KIF1B: variants seen among roughly 807,000 people sequenced by gnomAD.
The protein encoded by KIF1B is kinesin-like protein KIF1B.
In KIF1B, 76 loss-of-function variants were observed where a neutral mutation model predicts 241.9. The observed-to-expected ratio is 0.31, with a 90% CI of 0.26 to 0.38. KIF1B has a LOEUF of 0.38. KIF1B is among the 10% of genes least tolerant of loss of function. KIF1B has a pLI of 1.00. For missense variants in KIF1B, 1,622 were observed against 2,271.4 expected (o/e 0.71, Z 5.81); for synonymous variants, 750 against 796.7 (o/e 0.94, Z 0.99).
At chr1:10,307,349 G>A (rs966585881) in intron 22 of KIF1B, 38 of 953,230 alleles carry the variant, frequency 4.0e-5, no homozygotes, top group African/African-American at 5.3e-5. Context: ...TTGCTCTGTC[G>A]CCCAGGCTGC....
rs765720258 is a variant in KIF1B at position 10,295,669 on chromosome 1, A to G, written c.1680A>G (p.Gln560=). Reference sequence around the variant, plus strand: ...TTTCTCTTGTGTTCAGGGTTGGCCAAGCAGATGCTGAGCGGCGCCAGGACA... The same window carrying G: ...TTTCTCTTGTGTTCAGGGTTGGCCAGGCAGATGCTGAGCGGCGCCAGGACA... ...YIKDGITRVG[Q]ADAERRQDIV... The change falls in exon 19 of 49, where the codon CAA becomes CAG. Residue 560 remains glutamine (Q), a synonymous_variant. Coordinates refer to ENST00000676179, the MANE Select transcript of KIF1B (RefSeq NM_001365951.3). The G allele has an allele frequency of 3.8e-5, 62 of 1,613,626 alleles. No homozygotes were observed. The highest frequency in any genetic ancestry group is 4.8e-5 in the Non-Finnish European group (57 of 1,179,876).
chr1:10,370,109 C>T (rs182007213), intron 44 of KIF1B, among the ~76,000 whole-genome samples: 1 of 151,894 alleles, frequency 6.6e-6, no homozygotes. Flanking sequence ...CAAAATTAGC[C>T]GGGCGTGGTG....
intron 2 of KIF1B, among the ~76,000 whole-genome samples, chr1:10,253,782 G>A (rs1039218024): frequency 1.3e-5 from 2 of 152,178 alleles, no homozygotes; most frequent in Non-Finnish European, 2.9e-5. Context: ...CCATTTGCAT[G>A]TGGAGAGATG....
At chr1:10,360,133 A>C (rs551958926) in intron 38 of KIF1B, among the ~76,000 whole-genome samples, 17 of 152,302 alleles carry the variant, frequency 1.1e-4, no homozygotes, top group Non-Finnish European at 1.9e-4. Flanking sequence ...CTTCAGATAT[A>C]TCTGTGGTGT....
At chr1:10,307,809 G>A (rs902149221) in intron 22 of KIF1B, 3 of 1,039,652 alleles carry the variant, frequency 2.9e-6, no homozygotes, top group Non-Finnish European at 3.5e-6. Context: ...TAATTAATTG[G>A]TATAATTTCA....
At position 10,365,023 on chromosome 1, in the gene KIF1B, A is replaced by G; in HGVS notation, c.4367-77A>G. 4 of 1,252,082 alleles carry G rather than the reference A, an allele frequency of 3.2e-6. No individual in the cohort carries two copies. In the East Asian group the frequency reaches 7.4e-5, roughly 23 times the overall value. The allele number at this position is 1,252,082 out of a possible 1,614,324, so 77.6% of individuals were successfully genotyped here. ...TCCATCTCAAAAAAAAAAAAAAAAGAATTATTAATTCGTTTTGACCTAAAC... is the reference window on the plus strand; with the variant it reads ...TCCATCTCAAAAAAAAAAAAAAAAGGATTATTAATTCGTTTTGACCTAAAC... On this transcript the variant is annotated intron_variant, in intron 41 of 48. Transcript: ENST00000676179. The surrounding 1 kb of genome is among the most constrained non-coding windows in gnomAD (Gnocchi z 4.0).
Position 10,271,557 on chromosome 1 carries a change from G to A in KIF1B, c.776G>A (p.Gly259Asp), listed in dbSNP as rs767229413. The A allele has an allele frequency of 9.9e-6, 16 of 1,613,444 alleles. No individual in the cohort carries two copies. The South Asian group carries it at 1.5e-4, about 15-fold the overall frequency. ...LAGSERADST[G>D]AKGTRLKEGA... ...GGAAGTGAACGAGCTGATTCAACTG[G>A]TGCCAAAGGGACTCGATTAAAGGTA... is the stretch of plus-strand genomic sequence containing the variant. The change falls in exon 8 of 49, where the codon GGT becomes GAT. Residue 259 changes from glycine to aspartate, a missense_variant. Physicochemically the swap from Gly to Asp is moderately conservative, Grantham distance 94 (BLOSUM62 -1). Coordinates refer to ENST00000676179, the MANE Select transcript of KIF1B (RefSeq NM_001365951.3).
chr1:10,363,531 A>G (rs1638482322), intron 41 of KIF1B, among the ~76,000 whole-genome samples, 187 bp downstream of exon 41: 1 of 152,130 alleles, frequency 6.6e-6, no homozygotes, highest in South Asian at 2.1e-4. Context: ...CCTTTCTACC[A>G]AAAATACAAA....
chr1:10,331,135 A>G (rs1314996238), intron 27 of KIF1B, among the ~76,000 whole-genome samples: 2 of 151,632 alleles, frequency 1.3e-5, no homozygotes, highest in African/African-American at 4.8e-5. Context: ...AGGTGTAGGC[A>G]TCGAGTGCAG....
chr1:10,342,870 C>T (rs548350087), intron 33 of KIF1B, among the ~76,000 whole-genome samples: 1 of 152,146 alleles, frequency 6.6e-6, no homozygotes, highest in East Asian at 1.9e-4. Context: ...AATTAGAAAG[C>T]GATGGTAATG....
chr1:10,341,990 C>T, intron 32 of KIF1B, 60 bp from the exon 33 acceptor site: 1 of 1,028,892 alleles, frequency 9.7e-7, no homozygotes. Context: ...TACTAAAGTT[C>T]TGATTGAAGC....
chr1:10,225,492 G>C (rs992645333), intron 1 of KIF1B, among the ~76,000 whole-genome samples: 1 of 152,112 alleles, frequency 6.6e-6, no homozygotes, highest in Non-Finnish European at 1.5e-5. Context: ...AATAAAAAAA[G>C]TAATTTATTC....
intron 22 of KIF1B, chr1:10,304,273 C>G (rs1361797119): frequency 3.7e-6 from 6 of 1,614,074 alleles, no homozygotes; most frequent in Middle Eastern, 1.6e-4. Context: ...AAGTCAAGAT[C>G]ACATCCAAGT....
In KIF1B at chr1:10,271,593, CAAAT is replaced by C. The variant is rs1648801906; in HGVS notation, c.798+19_798+22del. The stretch of plus-strand genomic sequence containing the variant: ...ACTCGATTAAAGGTATTTATTTTAG[CAAAT>C]AAATGGCCTGATCAATAAATGGCCA... On this transcript the variant is annotated intron_variant, in intron 8 of 48. Transcript: ENST00000676179. The C allele has an allele frequency of 1.3e-6, 2 of 1,570,152 alleles. No homozygotes were observed. The highest frequency in any genetic ancestry group is 1.8e-6 in the Non-Finnish European group (2 of 1,140,078).
intron 15 of KIF1B, among the ~76,000 whole-genome samples, chr1:10,288,677 C>T (rs1649833270): frequency 6.6e-6 from 1 of 150,810 alleles, no homozygotes; most frequent in African/African-American, 2.5e-5. Context: ...CTTTGCCTAC[C>T]TTTGCTGGTT....
chr1:10,245,410 G>A (rs921698323), intron 2 of KIF1B, among the ~76,000 whole-genome samples: 3 of 152,106 alleles, frequency 2.0e-5, no homozygotes, highest in African/African-American at 7.2e-5. Context: ...TAGCATTTAC[G>A]TTTATCTTGG....
intron 2 of KIF1B, among the ~76,000 whole-genome samples, chr1:10,249,588 G>A (rs1472497508): frequency 2.0e-5 from 3 of 152,212 alleles, no homozygotes; most frequent in East Asian, 1.9e-4. Context: ...CTTGAATGTC[G>A]TACTTTGACT....
intron 1 of KIF1B, among the ~76,000 whole-genome samples, 155 bp downstream of exon 1, chr1:10,211,033 G>A (rs1003621615): frequency 4.6e-5 from 7 of 151,930 alleles, no homozygotes; most frequent in Non-Finnish European, 8.8e-5. Context: ...CGCCCTCGGG[G>A]GAGGGGACCC....
intron 17 of KIF1B, among the ~76,000 whole-genome samples, chr1:10,294,339 CT>C (rs1438022434): frequency 6.6e-5 from 10 of 151,912 alleles, no homozygotes; most frequent in African/African-American, 2.4e-4. Flanking sequence ...AAATTAAAAT[CT>C]TTTAAGGTAA....
Sources: gnomAD v4.1 joint callset for allele counts (sites outside exome capture counted in the v4.1 genomes callset) on GRCh38, gnomAD v4.1.1 for gene constraint, Gnocchi (gnomAD v3.1) non-coding constraint, MANE v1.5 for transcripts, NCBI Gene and HGNC (gene_info 2026-07-23, HGNC 2026-07-21) for gene names.